The following HPS5 variants were observed in gnomAD, a reference collection of about 807,000 sequenced individuals.
HPS5 encodes BLOC-2 complex member HPS5.
In HPS5, 83 loss-of-function variants were observed where a neutral mutation model predicts 128.0. That is an observed-to-expected ratio of 0.65 (90% CI 0.54 to 0.78). The LOEUF (loss-of-function observed/expected upper bound fraction) is 0.78, where lower values mean the gene tolerates loss of function less well. Among genes scored for constraint, HPS5 ranks in the 30% least tolerant of loss-of-function variants. HPS5 has a pLI of 0.00. For synonymous variants in HPS5, 475 were observed against 470.2 expected, an observed-to-expected ratio of 1.01 and a Z score of -0.13; for missense variants, 1,281 against 1,326.2, an observed-to-expected ratio of 0.97 and a Z score of 0.53.
chr11:18,316,488 C>G (rs1444852138), intron 2 of HPS5, among the ~76,000 whole-genome samples: 1 of 152,078 alleles, frequency 6.6e-6, no homozygotes, highest in Non-Finnish European at 1.5e-5. Flanking sequence ...GAGAAGACAG[C>G]AAGAACACTA....
chr11:18,318,741 G>C (rs954046178), intron 1 of HPS5, among the ~76,000 whole-genome samples: 1 of 152,134 alleles, frequency 6.6e-6, no homozygotes, highest in Non-Finnish European at 1.5e-5. Flanking sequence ...GAATACAACA[G>C]AAAAAGTCAT....
intron 13 of HPS5, among the ~76,000 whole-genome samples, chr11:18,295,729 G>A (rs77940093): frequency 1.6e-4 from 24 of 152,266 alleles, no homozygotes; most frequent in East Asian, 5.8e-4. Flanking sequence ...CTAATGATAC[G>A]TGGAAACTAT....
chr11:18,292,988 T>C lies in HPS5; in HGVS notation c.1785-12A>G. 1 of 1,608,730 alleles carries C rather than the reference T, an allele frequency of 6.2e-7. No individual in the cohort carries two copies. On this transcript the variant is annotated splice_polypyrimidine_tract_variant and intron_variant, in intron 14 of 22. Transcript: ENST00000349215. ...CCTCTTTTTCCTCCCTAAAAAAGTG[T>C]GCAAAATAACAATAACATTCACAAG...
At chr11:18,300,038 G>C (rs1182163152) in intron 9 of HPS5, among the ~76,000 whole-genome samples, 1 of 152,170 alleles carries the variant, frequency 6.6e-6, no homozygotes, top group Non-Finnish European at 1.5e-5. Flanking sequence ...AGCTAGATAG[G>C]AGGAATAAAT....
intron 3 of HPS5, 173 bp downstream of exon 3, chr11:18,311,741 C>G (rs1278001273): frequency 4.5e-6 from 3 of 669,078 alleles, no homozygotes; most frequent in Non-Finnish European, 8.1e-6. Flanking sequence ...CAACTCCTGA[C>G]CTCAGGTAAT....
intron 22 of HPS5, 178 bp downstream of exon 22, chr11:18,281,772 T>C (rs979817100): frequency 2.3e-5 from 17 of 731,784 alleles, no homozygotes; most frequent in African/African-American, 6.9e-5. Context: ...AACAGCATCT[T>C]GGTCATGGCT....
In HPS5 at chr11:18,280,428, G is replaced by A. The variant is rs557618451; in HGVS notation, c.3330-486C>T. On this transcript the variant is annotated intron_variant, in intron 22 of 22. Transcript: ENST00000349215. Reference sequence around the variant, plus strand: ...CACATGGAGAAATTGGAACTCTTGTGCACTGCTGGCAGGAAAGTAAAATGG... The same window carrying A: ...CACATGGAGAAATTGGAACTCTTGTACACTGCTGGCAGGAAAGTAAAATGG... 775 of 583,632 alleles carry A rather than the reference G, an allele frequency of 1.3e-3. 18 individuals carry two copies. The South Asian group carries it at 0.016, about 12-fold the overall frequency. The allele number at this position is 583,632 out of a possible 1,614,324, so 36.2% of individuals were successfully genotyped here.
intron 16 of HPS5, among the ~76,000 whole-genome samples, chr11:18,290,872 T>G (rs982621880): frequency 3.3e-5 from 5 of 151,970 alleles, no homozygotes; most frequent in African/African-American, 4.8e-5. Flanking sequence ...CAGTGAGCCA[T>G]GATCACACCA....
intron 14 of HPS5, among the ~76,000 whole-genome samples, chr11:18,293,870 A>G (rs184298606): frequency 6.6e-4 from 100 of 152,360 alleles, no homozygotes; most frequent in Admixed American, 5.6e-3. Flanking sequence ...GGATGTGGCT[A>G]GAAAGGTAGC....
intron 6 of HPS5, among the ~76,000 whole-genome samples, chr11:18,306,779 C>A (rs1025235713): frequency 1.3e-5 from 2 of 152,196 alleles, no homozygotes; most frequent in Non-Finnish European, 2.9e-5. Context: ...CACTTCCTCA[C>A]CACAAACACC....
chr11:18,318,145 C>G (rs773799557), intron 1 of HPS5, among the ~76,000 whole-genome samples: 4 of 152,118 alleles, frequency 2.6e-5, no homozygotes, highest in Non-Finnish European at 5.9e-5. Flanking sequence ...AGCCTATCCC[C>G]CTGTATTATC....
chr11:18,321,378 A>G (rs765444113), intron 1 of HPS5, among the ~76,000 whole-genome samples: 2 of 152,074 alleles, frequency 1.3e-5, no homozygotes, highest in Non-Finnish European at 2.9e-5. Context: ...CCAAAACCCT[A>G]CCTTTCTGCA....
At position 18,297,629 on chromosome 11, in the gene HPS5, TC is replaced by T. The variant is rs1262983210; in HGVS notation, c.1252del (p.Glu418LysfsTer3). The T allele has an allele frequency of 6.2e-7, 1 of 1,613,852 alleles. No homozygotes were observed. The highest frequency in any genetic ancestry group is 1.1e-5 in the South Asian group (1 of 91,080). ...GTYNDLISQL[E>X]ELILKFEPLD... ...AGGTTCAAATTTTAAGATCAATTCT[TC>T]CAGTTGAGAAATTAGATCATTGTAG... On this transcript the variant is annotated frameshift_variant, in exon 11 of 23. Transcript: ENST00000349215. LOFTEE classifies it high-confidence loss of function.
At chr11:18,314,810 C>T (rs911540889) in intron 2 of HPS5, among the ~76,000 whole-genome samples, 2 of 152,148 alleles carry the variant, frequency 1.3e-5, no homozygotes, top group African/African-American at 4.8e-5. Flanking sequence ...AAGCAATGCT[C>T]CCAACTCAGC....
chr11:18,304,576 C>T (rs78216747), intron 8 of HPS5, among the ~76,000 whole-genome samples: 111 of 152,268 alleles, frequency 7.3e-4, no homozygotes, highest in African/African-American at 2.6e-3. Context: ...TGGTTTTTAT[C>T]CTTACCCTTA....
intron 18 of HPS5, chr11:18,287,058 G>A: frequency 1.9e-6 from 1 of 518,118 alleles, no homozygotes; most frequent in Non-Finnish European, 3.4e-6. Context: ...TCCAGCCTGG[G>A]CAACATTGTG....
In HPS5 at chr11:18,309,009, T is replaced by A. The variant is rs774083352; in HGVS notation, c.548A>T (p.Asp183Val). 20 of 1,613,670 alleles carry A rather than the reference T, an allele frequency of 1.2e-5. No individual in the cohort carries two copies. ...TATAAGTAGCCTTCCATCCAAATAA[T>A]CTAACTGTACAACACAGGAGTCAAC... is the stretch of plus-strand genomic sequence containing the variant. Reference protein sequence around the residue: ...TTVDSCVVQLDYLDGRLLISS... With the variant: ...TTVDSCVVQLVYLDGRLLISS... Residue 183 changes from aspartate (D) to valine (V), a missense_variant, in exon 6 of 23, where the codon GAT (aspartate) becomes GTT (valine). Transcript: ENST00000349215.
rs547918739 is a variant in HPS5, at chr11:18,283,990, G to A, written c.2952-89C>T. 9.7e-6 allele frequency: 8 copies of A among 822,084 alleles called. No homozygotes were observed. The Admixed American group carries it at 1.6e-4, about 17-fold the overall frequency. The allele number at this position is 822,084 out of a possible 1,614,324, so 50.9% of individuals were successfully genotyped here. A position where few individuals can be genotyped will look rare whatever the true frequency, so the allele number is the denominator to read the frequency against. On this transcript the variant is annotated intron_variant, in intron 20 of 22. Coordinates refer to ENST00000349215, the MANE Select transcript of HPS5 (RefSeq NM_181507.2). Reference sequence around the variant, plus strand: ...CCCAAAACAGTAGACACAGTCACATGTGGCTATTTCAATTTAAATTAATTA... The same window carrying A: ...CCCAAAACAGTAGACACAGTCACATATGGCTATTTCAATTTAAATTAATTA...
In HPS5 at chr11:18,293,437, GC is replaced by G. The variant is rs1290913899; in HGVS notation, c.1785-462del. On this transcript the variant is annotated intron_variant, in intron 14 of 22. Coordinates refer to ENST00000349215, the MANE Select transcript of HPS5 (RefSeq NM_181507.2). ...TCCACCTGCCTCGGCCTCCTAAAGT[GC>G]GTGAGCCACCGCACCTGACCCTTGG... is the stretch of plus-strand genomic sequence containing the variant. Among the ~76,000 whole-genome samples the G allele has an allele frequency of 7.9e-5, 12 of 152,264 alleles. No individual in the cohort carries two copies. The East Asian group carries it at 2.3e-3, about 29-fold the overall frequency.
Sources: allele counts gnomAD v4.1 joint callset (sites outside exome capture counted in the v4.1 genomes callset), GRCh38; gene constraint gnomAD v4.1.1; transcripts MANE v1.5; gene names NCBI Gene and HGNC (gene_info 2026-07-23, HGNC 2026-07-21).